HS6ST3: variants seen among roughly 807,000 people sequenced by gnomAD.
HS6ST3 encodes the protein heparan sulfate 6-O-sulfotransferase 3.
A neutral mutation model predicts 36.7 loss-of-function variants in HS6ST3; 12 were observed. That is an observed-to-expected ratio of 0.33 (90% CI 0.21 to 0.53). The LOEUF is 0.53. HS6ST3 is among the 20% of genes least tolerant of loss of function. The pLI is 0.95. For missense variants in HS6ST3, 584 were observed against 640.9 expected, an observed-to-expected ratio of 0.91 and a Z score of 0.96; for synonymous variants, 240 against 257.5, an observed-to-expected ratio of 0.93 and a Z score of 0.65.
rs774812153 is a variant in HS6ST3 at position 96,833,180 on chromosome 13, C to T, written c.1398C>T (p.Ser466=). The change falls in exon 2 of 2, where the codon AGC becomes AGT. Residue 466 remains serine, a synonymous_variant. Coordinates refer to ENST00000376705, the MANE Select transcript of HS6ST3 (RefSeq NM_153456.4). ...AEGTVTEDYN[S]QVVRW is the part of the protein sequence containing the mutation. Reference sequence around the variant, plus strand: ...GGACTGTCACCGAGGACTACAACAGCCAGGTGGTGAGATGGTGACCTCCTG... The same window carrying T: ...GGACTGTCACCGAGGACTACAACAGTCAGGTGGTGAGATGGTGACCTCCTG... 3 of 1,568,952 alleles carry T rather than the reference C, an allele frequency of 1.9e-6. No homozygotes were observed. In the South Asian group the frequency reaches 3.5e-5, roughly 18 times the overall value.
chr13:96,593,678 A>T (rs532315754), intron 1 of HS6ST3, among the ~76,000 whole-genome samples: 1 of 151,952 alleles, frequency 6.6e-6, no homozygotes, highest in East Asian at 2.0e-4. Flanking sequence ...TGATAAAATT[A>T]TGAATTTCTT....
chr13:96,552,793 A>T (rs2056224238), intron 1 of HS6ST3, among the ~76,000 whole-genome samples: 1 of 152,138 alleles, frequency 6.6e-6, no homozygotes, highest in Non-Finnish European at 1.5e-5. Context: ...AGGTATAAGG[A>T]TGGTATTGAG....
At chr13:96,654,058 TG>T (rs2056616346) in intron 1 of HS6ST3, among the ~76,000 whole-genome samples, 1 of 152,224 alleles carries the variant, frequency 6.6e-6, no homozygotes, top group African/African-American at 2.4e-5. Flanking sequence ...TGGGGTTGTT[TG>T]TTTTTTACTT....
chr13:96,104,623 A>T (rs561526189), intron 1 of HS6ST3, among the ~76,000 whole-genome samples: 11 of 152,310 alleles, frequency 7.2e-5, no homozygotes, highest in Non-Finnish European at 1.6e-4. Flanking sequence ...CTCTTGCAAT[A>T]TAGTCCACTA....
intron 1 of HS6ST3, among the ~76,000 whole-genome samples, chr13:96,400,393 T>G (rs1314172932): frequency 6.6e-6 from 1 of 151,450 alleles, no homozygotes; most frequent in Non-Finnish European, 1.5e-5. Flanking sequence ...TAGGGAAGAG[T>G]GTCACATACC....
chr13:96,599,624 A>C (rs1320015211), intron 1 of HS6ST3, among the ~76,000 whole-genome samples: 1 of 149,234 alleles, frequency 6.7e-6, no homozygotes, highest in Non-Finnish European at 1.5e-5. Flanking sequence ...TTTTTGTTTC[A>C]ATTTTGTTTA....
At chr13:96,298,503 G>C (rs1381844682) in intron 1 of HS6ST3, among the ~76,000 whole-genome samples, 1 of 152,210 alleles carries the variant, frequency 6.6e-6, no homozygotes, top group Non-Finnish European at 1.5e-5. Flanking sequence ...ACTTAGATCA[G>C]ACACCCGGGT....
At chr13:96,621,712 C>T (rs1372647915) in intron 1 of HS6ST3, among the ~76,000 whole-genome samples, 1 of 152,078 alleles carries the variant, frequency 6.6e-6, no homozygotes, top group Non-Finnish European at 1.5e-5. Flanking sequence ...TTTCTTTAGG[C>T]AAATGCTGAA....
At chr13:96,178,009 G>T (rs1196414478) in intron 1 of HS6ST3, among the ~76,000 whole-genome samples, 1 of 152,046 alleles carries the variant, frequency 6.6e-6, no homozygotes, top group Non-Finnish European at 1.5e-5. Context: ...AGGTATTGTG[G>T]TTATCATTGC....
intron 1 of HS6ST3, among the ~76,000 whole-genome samples, chr13:96,355,403 A>ACACAC (rs55972859): frequency 7.3e-6 from 1 of 137,894 alleles, no homozygotes; most frequent in Non-Finnish European, 1.5e-5. Context: ...ACACACACAC[A>ACACAC]AACACACAAA....
intron 1 of HS6ST3, among the ~76,000 whole-genome samples, chr13:96,219,394 A>G (rs1469287850): frequency 6.6e-6 from 1 of 152,126 alleles, no homozygotes; most frequent in Non-Finnish European, 1.5e-5. Context: ...GTCACCTTAC[A>G]TAATTCCCTT....
intron 1 of HS6ST3, among the ~76,000 whole-genome samples, chr13:96,437,534 G>A (rs905318884): frequency 6.6e-5 from 10 of 152,206 alleles, no homozygotes; most frequent in Non-Finnish European, 1.0e-4. Context: ...CTGAACACAT[G>A]AGGATGCTTA....
rs570168629 is a variant in HS6ST3, at chr13:96,616,011, AAC to A, written c.708-216475_708-216474del. Among the ~76,000 whole-genome samples the A allele has an allele frequency of 2.5e-3, 380 of 152,346 alleles. 1 individual carries two copies. Among genetic ancestry groups the A allele is most frequent in the Middle Eastern group, 6.8e-3 (2 of 294 alleles). On this transcript the variant is annotated intron_variant, in intron 1 of 1. Coordinates refer to ENST00000376705, the MANE Select transcript of HS6ST3 (RefSeq NM_153456.4). ...CTTTCAGATATTGCAGATTAATGGA[AAC>A]ACAGTTGACACTGGCCAGGAAAAGT...
At position 96,305,541 on chromosome 13, in the gene HS6ST3, A is replaced by C. The variant is rs2054907819; in HGVS notation, c.707+213972A>C. Among the ~76,000 whole-genome samples, 2 of 152,164 alleles carry C rather than the reference A, an allele frequency of 1.3e-5. 1 individual carries two copies. Among genetic ancestry groups the C allele is most frequent in the South Asian group, 4.1e-4 (2 of 4,830 alleles). On this transcript the variant is annotated intron_variant, in intron 1 of 1. Transcript: ENST00000376705. Reference sequence around the variant, plus strand: ...GTGTAAATATACATATTCCATATAGAATTTCTCTGTATGAAAATGAAAATA... The same window carrying C: ...GTGTAAATATACATATTCCATATAGCATTTCTCTGTATGAAAATGAAAATA...
intron 1 of HS6ST3, among the ~76,000 whole-genome samples, chr13:96,772,782 G>T (rs549735433): frequency 6.6e-6 from 1 of 152,316 alleles, no homozygotes; most frequent in South Asian, 2.1e-4. Flanking sequence ...TTCCTCTCAT[G>T]TAGATTACAG....
intron 1 of HS6ST3, among the ~76,000 whole-genome samples, chr13:96,118,698 T>A (rs2053910265): frequency 1.1e-4 from 8 of 75,230 alleles, no homozygotes; most frequent in African/African-American, 2.1e-4. Flanking sequence ...ATTTTTTTTT[T>A]TTTTTTTTTT....
chr13:96,682,815 T>C lies in HS6ST3; in HGVS notation c.708-149675T>C, dbSNP rs1197611586. On this transcript the variant is annotated intron_variant, in intron 1 of 1. Transcript: ENST00000376705. ...TGATGGATTTTTCCCATGTCTTTTG[T>C]TAGTACCAAGTGAAAATAATTCCAG... Among the ~76,000 whole-genome samples the C allele has an allele frequency of 2.0e-5, 3 of 152,122 alleles. No individual in the cohort carries two copies. In the East Asian group the frequency reaches 5.8e-4, roughly 29 times the overall value.
chr13:96,219,664 C>T (rs1427913345), intron 1 of HS6ST3, among the ~76,000 whole-genome samples: 1 of 152,048 alleles, frequency 6.6e-6, no homozygotes, highest in East Asian at 1.9e-4. Context: ...CCTGAACTCA[C>T]ATAACCACAG....
chr13:96,410,391 A>T (rs1267982388), intron 1 of HS6ST3, among the ~76,000 whole-genome samples: 1 of 152,186 alleles, frequency 6.6e-6, no homozygotes, highest in Non-Finnish European at 1.5e-5. Context: ...ACAAGCATGT[A>T]TAGCCTCACT....
Sources: gnomAD v4.1 joint callset for allele counts (sites outside exome capture counted in the v4.1 genomes callset) on GRCh38, gnomAD v4.1.1 for gene constraint, MANE v1.5 for transcripts, NCBI Gene and HGNC (gene_info 2026-07-23, HGNC 2026-07-21) for gene names.